DLGAP1: variants seen among roughly 807,000 people sequenced by gnomAD.
The protein encoded by DLGAP1 is DLG associated protein 1.
A neutral mutation model predicts 90.8 loss-of-function variants in DLGAP1; 11 were observed. That is an observed-to-expected ratio of 0.12 (90% confidence interval 0.08 to 0.20). The LOEUF is 0.20. Among genes scored for constraint, DLGAP1 ranks in the 10% least tolerant of loss-of-function variants. The pLI, the probability that DLGAP1 is intolerant of heterozygous loss-of-function variation, is 1.00. For synonymous variants in DLGAP1, 558 were observed against 540.7 expected, an observed-to-expected ratio of 1.03 and a Z score of -0.44; for missense variants, 1,050 against 1,333.8, an observed-to-expected ratio of 0.79 and a Z score of 3.31.
At chr18:3,802,962 T>G (rs1256296642) in intron 5 of DLGAP1, among the ~76,000 whole-genome samples, 1 of 152,220 alleles carries the variant, frequency 6.6e-6, no homozygotes, top group Non-Finnish European at 1.5e-5. Context: ...CTTCTAAGAT[T>G]TTTTATTCAT....
At chr18:3,897,944 G>T (rs866066920) in intron 3 of DLGAP1, among the ~76,000 whole-genome samples, 5 of 151,644 alleles carry the variant, frequency 3.3e-5, no homozygotes, top group Admixed American at 2.6e-4. Flanking sequence ...ACAGGCGCCC[G>T]CCACCGCGCC....
intron 3 of DLGAP1, among the ~76,000 whole-genome samples, chr18:3,954,233 A>G (rs11081079): frequency 0.16 from 24,680 of 152,134 alleles, 2,118 homozygotes; most frequent in Middle Eastern, 0.22. Context: ...CTTCCTAAAA[A>G]CATATTATCT....
chr18:3,631,165 G>A (rs1162298157), intron 7 of DLGAP1, among the ~76,000 whole-genome samples: 1 of 149,830 alleles, frequency 6.7e-6, no homozygotes, highest in Non-Finnish European at 1.5e-5. Context: ...TTTTTTTTAA[G>A]TAGAGATGGG....
intron 1 of DLGAP1, among the ~76,000 whole-genome samples, chr18:4,241,826 C>A (rs927759568): frequency 9.9e-5 from 15 of 152,206 alleles, no homozygotes; most frequent in African/African-American, 3.6e-4. Flanking sequence ...TATTGACAGG[C>A]CAATGATACT....
chr18:4,449,704 C>T (rs533795133), intron 1 of DLGAP1, among the ~76,000 whole-genome samples: 3 of 152,248 alleles, frequency 2.0e-5, no homozygotes, highest in Non-Finnish European at 4.4e-5. Context: ...CACAAGTCAA[C>T]ACATCATTAT....
At chr18:3,698,893 A>C (rs1241255780) in intron 7 of DLGAP1, among the ~76,000 whole-genome samples, 1 of 151,716 alleles carries the variant, frequency 6.6e-6, no homozygotes, top group African/African-American at 2.4e-5. Flanking sequence ...CATTAAGTTG[A>C]TCTTCAATCT....
At chr18:4,395,160 A>G (rs576307506) in intron 1 of DLGAP1, among the ~76,000 whole-genome samples, 1 of 152,386 alleles carries the variant, frequency 6.6e-6, no homozygotes, top group South Asian at 2.1e-4. Flanking sequence ...TAAAAGAAAT[A>G]GCACATTGCA....
intron 2 of DLGAP1, among the ~76,000 whole-genome samples, chr18:4,034,822 G>C (rs1017115250): frequency 6.6e-6 from 1 of 151,912 alleles, no homozygotes; most frequent in African/African-American, 2.4e-5. Flanking sequence ...AATGAATTTA[G>C]CAATTCAGTC....
intron 10 of DLGAP1, among the ~76,000 whole-genome samples, chr18:3,530,888 A>G (rs2051947402): frequency 6.6e-6 from 1 of 152,188 alleles, no homozygotes; most frequent in Non-Finnish European, 1.5e-5. Context: ...GAATTTCCTA[A>G]CTTGCCCATA....
chr18:3,849,490 G>C (rs752265157), intron 4 of DLGAP1, among the ~76,000 whole-genome samples: 1 of 152,032 alleles, frequency 6.6e-6, no homozygotes, highest in Non-Finnish European at 1.5e-5. Flanking sequence ...AGATGCATAG[G>C]GGAGTGCTAA....
chr18:3,728,300 T>TTATATATATATATATATATATATATATA (rs200480157), intron 7 of DLGAP1, among the ~76,000 whole-genome samples: 1 of 123,644 alleles, frequency 8.1e-6, no homozygotes, highest in African/African-American at 3.5e-5. Flanking sequence ...AACGCAAATG[T>TTATATATATATATATATATATATATATA]TATATATATA....
intron 3 of DLGAP1, among the ~76,000 whole-genome samples, chr18:3,997,719 TTAA>T (rs2074099008): frequency 1.3e-5 from 2 of 152,006 alleles, no homozygotes; most frequent in Admixed American, 6.5e-5. Flanking sequence ...AAAATTAATT[TTAA>T]TAATATAATT....
intron 1 of DLGAP1, among the ~76,000 whole-genome samples, chr18:4,152,384 C>T (rs1488493290): frequency 6.6e-6 from 1 of 152,062 alleles, no homozygotes; most frequent in African/African-American, 2.4e-5. Flanking sequence ...GTGTGGAATT[C>T]ATTTTACAGA....
intron 4 of DLGAP1, among the ~76,000 whole-genome samples, chr18:3,821,338 T>C (rs947730326): frequency 3.8e-5 from 5 of 130,648 alleles, no homozygotes; most frequent in Non-Finnish European, 8.3e-5. Flanking sequence ...CCCAAGGTCA[T>C]AATAATTGGT....
chr18:3,882,559 C>G (rs1027823293), intron 3 of DLGAP1, among the ~76,000 whole-genome samples: 4 of 151,180 alleles, frequency 2.6e-5, no homozygotes, highest in Non-Finnish European at 5.9e-5. Context: ...TAGCCGATGG[C>G]AAAATGACCA....
chr18:3,968,702 T>G (rs2073381565), intron 3 of DLGAP1, among the ~76,000 whole-genome samples: 1 of 152,142 alleles, frequency 6.6e-6, no homozygotes, highest in Non-Finnish European at 1.5e-5. Context: ...TTAGAACAAG[T>G]GGAGGTAATT....
chr18:4,262,947 T>G (rs2079032589), intron 1 of DLGAP1, among the ~76,000 whole-genome samples: 1 of 152,116 alleles, frequency 6.6e-6, no homozygotes, highest in Admixed American at 6.6e-5. Flanking sequence ...TATTATTTTT[T>G]TTTTGAGACG....
intron 1 of DLGAP1, among the ~76,000 whole-genome samples, chr18:4,174,215 G>A (rs892369213): frequency 5.3e-5 from 8 of 152,082 alleles, no homozygotes; most frequent in African/African-American, 1.9e-4. Context: ...CCAACCCAGA[G>A]GCCCAAGAAG....
chr18:4,332,857 C>A (rs674465), intron 1 of DLGAP1, among the ~76,000 whole-genome samples: 129,185 of 151,864 alleles, frequency 0.85, 55,177 homozygotes, highest in Non-Finnish European at 0.87. Context: ...TTTACCTATA[C>A]ATGTTATTTC....
Sources: gnomAD v4.1 joint callset for allele counts (sites outside exome capture counted in the v4.1 genomes callset) on GRCh38, gnomAD v4.1.1 for gene constraint, MANE v1.5 for transcripts, NCBI Gene and HGNC (gene_info 2026-07-23, HGNC 2026-07-21) for gene names.